The following DRD2 variants were observed in gnomAD, a reference collection of about 807,000 sequenced individuals.
The protein encoded by DRD2 is D(2) dopamine receptor.
In DRD2, 8 loss-of-function variants were observed where a neutral mutation model predicts 38.0. The ratio of observed to expected loss-of-function variants is 0.21; its 90% CI spans 0.12 to 0.38. DRD2 has a LOEUF of 0.38. Ranked by LOEUF, DRD2 falls within the 10% of genes least tolerant of loss-of-function variation. DRD2 has a pLI of 1.00. For synonymous variants in DRD2, 230 were observed against 238.6 expected, an observed-to-expected ratio of 0.96 and a Z score of 0.33; for missense variants, 403 against 607.7, an observed-to-expected ratio of 0.66 and a Z score of 3.54.
At chr11:113,433,187 C>A (rs1286609420) in intron 1 of DRD2, among the ~76,000 whole-genome samples, 1 of 152,184 alleles carries the variant, frequency 6.6e-6, no homozygotes, top group Non-Finnish European at 1.5e-5. Flanking sequence ...ACGATGGCAA[C>A]CTCCTGGGCT....
intron 1 of DRD2, among the ~76,000 whole-genome samples, chr11:113,440,192 C>A (rs935855975): frequency 6.6e-6 from 1 of 152,216 alleles, no homozygotes; most frequent in Non-Finnish European, 1.5e-5. Flanking sequence ...TCAGCAGAGA[C>A]AGGCTCAAGT....
chr11:113,434,782 C>A (rs1286872262), intron 1 of DRD2, among the ~76,000 whole-genome samples: 1 of 152,160 alleles, frequency 6.6e-6, no homozygotes, highest in Non-Finnish European at 1.5e-5. Flanking sequence ...AGCCATCCCC[C>A]CCCATCAGCA....
intron 5 of DRD2, chr11:113,415,175 A>G (rs1449344138): frequency 7.2e-6 from 3 of 418,986 alleles, no homozygotes; most frequent in Non-Finnish European, 1.3e-5. Context: ...AGTCACAAAG[A>G]TCTCCAAGCA....
Position 113,410,424 on chromosome 11 carries a change from G to A in DRD2, c.*303C>T, listed in dbSNP as rs576884464. On this transcript the variant is annotated 3_prime_UTR_variant, in exon 8 of 8. Coordinates refer to ENST00000362072, the MANE Select transcript of DRD2 (RefSeq NM_000795.4). ...GCCCCAGAGGAAGGTCAAGGAAGGC[G>A]GCTGCATCTTTGGTGCCAAGGATAG... is the stretch of plus-strand genomic sequence containing the variant. The A allele has an allele frequency of 1.2e-5, 6 of 516,686 alleles. No individual in the cohort carries two copies. Among genetic ancestry groups the A allele is most frequent in the African/African-American group, 3.8e-5 (2 of 52,004 alleles). 32.0% of individuals were successfully genotyped at this position (516,686 alleles called of 1,614,324 possible).
chr11:113,414,963 G>A (rs1413287819), intron 5 of DRD2, among the ~76,000 whole-genome samples: 1 of 152,166 alleles, frequency 6.6e-6, no homozygotes, highest in East Asian at 1.9e-4. Flanking sequence ...AAGACATCAG[G>A]GGGGAAATGA....
chr11:113,447,894 C>T (rs1407676425), intron 1 of DRD2, among the ~76,000 whole-genome samples: 1 of 152,174 alleles, frequency 6.6e-6, no homozygotes, highest in Non-Finnish European at 1.5e-5. Context: ...CGATCTCCAG[C>T]CTTGTCCATG....
At chr11:113,455,164 T>C (rs1951257368) in intron 1 of DRD2, among the ~76,000 whole-genome samples, 1 of 152,014 alleles carries the variant, frequency 6.6e-6, no homozygotes, top group Non-Finnish European at 1.5e-5. Flanking sequence ...TTGGCCAACA[T>C]GGTGAGACCC....
chr11:113,457,360 C>A (rs1951277168), intron 1 of DRD2, among the ~76,000 whole-genome samples: 2 of 152,108 alleles, frequency 1.3e-5, no homozygotes, highest in African/African-American at 2.4e-5. Flanking sequence ...GAGATCTCAG[C>A]AATACAAAGC....
intron 1 of DRD2, among the ~76,000 whole-genome samples, chr11:113,438,884 T>C (rs997232442): frequency 1.3e-5 from 2 of 152,220 alleles, no homozygotes; most frequent in African/African-American, 2.4e-5. Flanking sequence ...ATTGTCTCAC[T>C]GTGTGGATGT....
At chr11:113,432,288 T>TTCTCTCTCTCTCTC (rs56097058) in intron 1 of DRD2, among the ~76,000 whole-genome samples, 8 of 136,364 alleles carry the variant, frequency 5.9e-5, no homozygotes, top group African/African-American at 1.1e-4. Flanking sequence ...GATCCTCTCT[T>TTCTCTCTCTCTCTC]TCTCTCTCTC....
chr11:113,427,059 G>A (rs1950947425), intron 1 of DRD2, among the ~76,000 whole-genome samples: 1 of 152,142 alleles, frequency 6.6e-6, no homozygotes, highest in Non-Finnish European at 1.5e-5. Flanking sequence ...CCCACTCCCT[G>A]CTGCTGATGA....
chr11:113,465,276 G>A (rs1158241592), intron 1 of DRD2, among the ~76,000 whole-genome samples: 1 of 152,144 alleles, frequency 6.6e-6, no homozygotes, highest in Non-Finnish European at 1.5e-5. Flanking sequence ...AAGTTTTGTA[G>A]TAGAGATGAG....
intron 1 of DRD2, among the ~76,000 whole-genome samples, chr11:113,435,332 G>T (rs1053430432): frequency 0.013 from 11 of 842 alleles, no homozygotes; most frequent in Non-Finnish European, 0.12. Flanking sequence ...ACTCAGTGTG[G>T]GGGGGGGTGG....
At chr11:113,462,531 G>T (rs1004966329) in intron 1 of DRD2, among the ~76,000 whole-genome samples, 7 of 152,184 alleles carry the variant, frequency 4.6e-5, no homozygotes, top group Non-Finnish European at 7.3e-5. Flanking sequence ...ACATGCCAAG[G>T]AGCGCCAGGA....
Position 113,410,926 on chromosome 11 carries a change from G to A in DRD2, c.1139-6C>T, listed in dbSNP as rs1950763331. On this transcript the variant is annotated splice_region_variant and splice_polypyrimidine_tract_variant and intron_variant, in intron 7 of 7. Coordinates refer to ENST00000362072, the MANE Select transcript of DRD2 (RefSeq NM_000795.4). ...CCAGCAGATGATGAACACGCCTGGG[G>A]GAGAGGGCATGGTCAGGCTGGTCCC... 2.5e-6 allele frequency: 4 copies of A among 1,607,614 alleles called. No homozygotes were observed. Among genetic ancestry groups the A allele is most frequent in the African/African-American group, 1.3e-5 (1 of 74,852 alleles).
chr11:113,472,085 T>G (rs1428041704), intron 1 of DRD2, among the ~76,000 whole-genome samples: 1 of 152,190 alleles, frequency 6.6e-6, no homozygotes, highest in Non-Finnish European at 1.5e-5. Context: ...GGAGAAGTGG[T>G]GGGTGCCAAC....
chr11:113,416,912 G>A lies in DRD2; in HGVS notation c.483C>T (p.Val161=). 1 of 1,614,214 alleles carries A rather than the reference G, an allele frequency of 6.2e-7. No individual in the cohort carries two copies. ...RVTVMISIVW[V]LSFTISCPLL... The stretch of plus-strand genomic sequence containing the variant: ...GTGGGCAGGAGATGGTGAAGGACAG[G>A]ACCCAGACGATGGAGATCATGACGG... The change falls in exon 4 of 8, where the codon GTC becomes GTT. Residue 161 remains valine (V), a synonymous_variant. Transcript: ENST00000362072.
chr11:113,422,334 T>C (rs750540218), intron 2 of DRD2, among the ~76,000 whole-genome samples: 3 of 152,338 alleles, frequency 2.0e-5, no homozygotes, highest in Non-Finnish European at 4.4e-5. Flanking sequence ...TAATCACTTT[T>C]CATACATCAA....
intron 1 of DRD2, among the ~76,000 whole-genome samples, chr11:113,433,487 G>A (rs1342779919): frequency 6.6e-6 from 1 of 152,156 alleles, no homozygotes; most frequent in East Asian, 1.9e-4. Context: ...GGTGGCAGAG[G>A]CTGCTGTGGG....
Sources: allele counts gnomAD v4.1 joint callset (sites outside exome capture counted in the v4.1 genomes callset), GRCh38; gene constraint gnomAD v4.1.1; transcripts MANE v1.5; gene names NCBI Gene and HGNC (gene_info 2026-07-23, HGNC 2026-07-21).